ZC3HAV1: variants seen among roughly 807,000 people sequenced by gnomAD.
ZC3HAV1 encodes zinc finger CCCH-type containing, antiviral 1, also known as zinc finger CCCH-type antiviral protein 1.
ZC3HAV1 carries 41 observed loss-of-function variants against 86.6 expected under a neutral mutation model. The ratio of observed to expected loss-of-function variants is 0.47; its 90% CI spans 0.37 to 0.61. ZC3HAV1 has a LOEUF of 0.61. Among genes scored for constraint, ZC3HAV1 ranks in the 20% least tolerant of loss-of-function variants. The pLI, the probability that ZC3HAV1 is intolerant of heterozygous loss-of-function variation, is 0.00. For missense variants in ZC3HAV1, 964 were observed against 1,141.1 expected (o/e 0.84, Z 2.24); for synonymous variants, 421 against 432.1 (o/e 0.97, Z 0.32).
rs1815947817 is a variant in ZC3HAV1 at position 139,046,047 on chromosome 7, A to G, written c.*1547T>C. On this transcript the variant is annotated 3_prime_UTR_variant, in exon 13 of 13. Coordinates refer to ENST00000242351, the MANE Select transcript of ZC3HAV1 (RefSeq NM_020119.4). ...AATCTGACTTATAACTTGTCTGCTA[A>G]AAGAAATTATAACAGGAAACTTTGG... 1.3e-5 allele frequency: 2 copies of G among 151,926 alleles called. No individual in the cohort carries two copies. Among genetic ancestry groups the G allele is most frequent in the African/African-American group, 4.8e-5 (2 of 41,358 alleles). The allele number at this position is 151,926 out of a possible 1,614,324, so 9.4% of individuals were successfully genotyped here. A position where few individuals can be genotyped will look rare whatever the true frequency, so the allele number is the denominator to read the frequency against.
chr7:139,047,987 T>C (rs1005009781), intron 12 of ZC3HAV1, 134 bp from the exon 13 acceptor site: 1 of 913,280 alleles, frequency 1.1e-6, no homozygotes, highest in Non-Finnish European at 1.6e-6. Context: ...TTATAAACTT[T>C]CCTTTGCACT....
At chr7:139,087,395 GAGAGACAGAGGGAC>G (rs1817299792) in intron 2 of ZC3HAV1, among the ~76,000 whole-genome samples, 1 of 151,954 alleles carries the variant, frequency 6.6e-6, no homozygotes, top group African/African-American at 2.4e-5. Context: ...GAGAGAGAGA[GAGAGACAGAGGGAC>G]AGAGACAGAG....
intron 10 of ZC3HAV1, 36 bp from the exon 11 acceptor site, chr7:139,054,131 G>A (rs1333249415): frequency 3.3e-6 from 5 of 1,533,340 alleles, no homozygotes; most frequent in South Asian, 1.3e-5. Context: ...TGTGAAATAG[G>A]AAACATTTAA....
intron 1 of ZC3HAV1, among the ~76,000 whole-genome samples, chr7:139,094,488 GTGA>G (rs1317297856): frequency 7.1e-6 from 1 of 141,178 alleles, no homozygotes; most frequent in Non-Finnish European, 1.5e-5. Flanking sequence ...GCAGTAGGAG[GTGA>G]TAACTTAAAA....
In ZC3HAV1 at chr7:139,109,408, T is replaced by C. The variant is rs1297693003; in HGVS notation, c.-77A>G. The C allele has an allele frequency of 6.9e-7, 1 of 1,440,022 alleles. No individual in the cohort carries two copies. The highest frequency in any genetic ancestry group is 2.6e-4 in the Middle Eastern group (1 of 3,904). 89.2% of individuals were successfully genotyped at this position (1,440,022 alleles called of 1,614,324 possible). A position where few individuals can be genotyped will look rare whatever the true frequency, so the allele number is the denominator to read the frequency against. ...AATCGGAAATCGAAACTTACAAGTG[T>C]CCAGGGGCGGGCGCGGGCGGTGCTA... On this transcript the variant is annotated 5_prime_UTR_variant, in exon 1 of 13. Transcript: ENST00000242351.
chr7:139,073,547 G>T (rs1316056895), intron 7 of ZC3HAV1, among the ~76,000 whole-genome samples: 2 of 152,074 alleles, frequency 1.3e-5, no homozygotes, highest in Non-Finnish European at 2.9e-5. Flanking sequence ...CTGGAATGCA[G>T]TGGCGAAATC....
At chr7:139,048,131 G>A (rs1413971895) in intron 12 of ZC3HAV1, among the ~76,000 whole-genome samples, 1 of 152,118 alleles carries the variant, frequency 6.6e-6, no homozygotes, top group African/African-American at 2.4e-5. Context: ...AAATGACAAT[G>A]TCACAGTGGC....
intron 1 of ZC3HAV1, among the ~76,000 whole-genome samples, chr7:139,102,006 A>AG (rs1817788916): frequency 6.7e-6 from 1 of 148,900 alleles, no homozygotes; most frequent in Non-Finnish European, 1.5e-5. Flanking sequence ...ATGATCAATA[A>AG]AAAAAAAAAA....
At chr7:139,101,885 T>A (rs924450793) in intron 1 of ZC3HAV1, among the ~76,000 whole-genome samples, 4 of 151,740 alleles carry the variant, frequency 2.6e-5, no homozygotes, top group Non-Finnish European at 5.9e-5. Context: ...GGCCGCAGGG[T>A]CCTCTGCCTA....
In ZC3HAV1 at chr7:139,079,310, G is replaced by C. The variant is rs543287232; in HGVS notation, c.1471+160C>G. Reference sequence around the variant, plus strand: ...CAGGTTCCTCAGACTCTGACTTCCAGTACGTAACATATCTTTTTCTGCCTT... The same window carrying C: ...CAGGTTCCTCAGACTCTGACTTCCACTACGTAACATATCTTTTTCTGCCTT... On this transcript the variant is annotated intron_variant, in intron 4 of 12. Transcript: ENST00000242351. The C allele has an allele frequency of 6.5e-6, 10 of 1,539,428 alleles. No individual in the cohort carries two copies. In the African/African-American group the frequency reaches 1.4e-4, roughly 21 times the overall value.
chr7:139,056,576 A>C (rs1300377027), intron 9 of ZC3HAV1, among the ~76,000 whole-genome samples: 3 of 151,656 alleles, frequency 2.0e-5, no homozygotes, highest in Non-Finnish European at 4.4e-5. Context: ...CTTTTTAAAA[A>C]GTTTTTGTAG....
At chr7:139,066,115 C>T (rs547717581) in intron 7 of ZC3HAV1, among the ~76,000 whole-genome samples, 106 of 152,224 alleles carry the variant, frequency 7.0e-4, no homozygotes, top group African/African-American at 2.1e-3. Context: ...ACTAGAAGTA[C>T]GCCCCTAGCA....
At chr7:139,101,491 C>A (rs1283111122) in intron 1 of ZC3HAV1, among the ~76,000 whole-genome samples, 5 of 103,778 alleles carry the variant, frequency 4.8e-5, no homozygotes, top group Admixed American at 1.2e-4. Context: ...TCAGCCCGGC[C>A]ACCACCCCGT....
At chr7:139,106,599 T>G (rs976249407) in intron 1 of ZC3HAV1, among the ~76,000 whole-genome samples, 2 of 152,152 alleles carry the variant, frequency 1.3e-5, no homozygotes, top group East Asian at 3.8e-4. Flanking sequence ...TGGGTGACCC[T>G]ATCTCAAAAA....
chr7:139,056,593 G>A (rs1440044800), intron 9 of ZC3HAV1, among the ~76,000 whole-genome samples: 2 of 151,510 alleles, frequency 1.3e-5, no homozygotes, highest in East Asian at 3.9e-4. Context: ...GTAGAGATGG[G>A]GTCTCAACTC....
At chr7:139,088,555 A>G (rs12707434) in intron 2 of ZC3HAV1, among the ~76,000 whole-genome samples, 2,742 of 152,316 alleles carry the variant, frequency 0.018, 32 homozygotes, top group Non-Finnish European at 0.025. Flanking sequence ...CACATTTTGA[A>G]GATAACAGAG....
In ZC3HAV1 at chr7:139,089,660, C is replaced by A. The variant is rs1430261605; in HGVS notation, c.408G>T (p.Val136=). Residue 136 remains valine, a synonymous_variant, in exon 2 of 13, where the codon GTG becomes GTT. Coordinates refer to ENST00000242351, the MANE Select transcript of ZC3HAV1 (RefSeq NM_020119.4). ...AAAAAGGATCACTTTGGAGGAGGAGCACTGCTAATTCCTCTTTGTTCAGTC... is the reference window on the plus strand; with the variant it reads ...AAAAAGGATCACTTTGGAGGAGGAGAACTGCTAATTCCTCTTTGTTCAGTC... ...LSGLNKEELA[V]LLLQSDPFFM... The A allele has an allele frequency of 6.2e-7, 1 of 1,612,000 alleles. No homozygotes were observed. Among genetic ancestry groups the A allele is most frequent in the African/African-American group, 1.3e-5 (1 of 74,784 alleles).
At chr7:139,049,142 T>TAG (rs529568257) in intron 12 of ZC3HAV1, among the ~76,000 whole-genome samples, 1 of 104,928 alleles carries the variant, frequency 9.5e-6, no homozygotes, top group Non-Finnish European at 1.8e-5. Context: ...TTTTTTTTTT[T>TAG]TCGTTGTTGT....
intron 1 of ZC3HAV1, among the ~76,000 whole-genome samples, chr7:139,104,721 C>CAAAAAAAA (rs1157897700): frequency 1.6e-4 from 3 of 19,254 alleles, no homozygotes; most frequent in Non-Finnish European, 2.2e-4. Flanking sequence ...GACTCTGTCA[C>CAAAAAAAA]AAAAAAAAAA....
Sources: allele counts gnomAD v4.1 joint callset (sites outside exome capture counted in the v4.1 genomes callset), GRCh38; gene constraint gnomAD v4.1.1; transcripts MANE v1.5; gene names NCBI Gene and HGNC (gene_info 2026-07-23, HGNC 2026-07-21).